The following KIF1B variants were observed in gnomAD, a reference collection of about 807,000 sequenced individuals.
KIF1B encodes the protein kinesin-like protein KIF1B.
KIF1B carries 76 observed loss-of-function variants against 241.9 expected under a neutral mutation model. That is an observed-to-expected ratio of 0.31 (90% CI 0.26 to 0.38). KIF1B has a LOEUF of 0.38. Ranked by LOEUF, KIF1B falls within the 10% of genes least tolerant of loss-of-function variation. The pLI, the probability that KIF1B is intolerant of heterozygous loss-of-function variation, is 1.00. For synonymous variants in KIF1B, 750 were observed against 796.7 expected (o/e 0.94, Z 0.99); for missense variants, 1,622 against 2,271.4 (o/e 0.71, Z 5.81).
intron 9 of KIF1B, 120 bp from the exon 10 acceptor site, chr1:10,272,894 C>T: frequency 2.6e-6 from 2 of 778,262 alleles, no homozygotes; most frequent in South Asian, 3.8e-5. Context: ...GAATGAAATG[C>T]TTTCTTGCTT....
chr1:10,231,258 G>C (rs771279129), intron 1 of KIF1B, among the ~76,000 whole-genome samples: 1 of 149,514 alleles, frequency 6.7e-6, no homozygotes, highest in Non-Finnish European at 1.5e-5. Context: ...GGAAATCACT[G>C]TATAGTTAAA....
At position 10,306,634 on chromosome 1, in the gene KIF1B, C is replaced by T. The variant is rs4623; in HGVS notation, c.2115+9388C>T. The T allele has an allele frequency of 6.3e-3, 3,503 of 555,936 alleles. 90 individuals are homozygous for T. Among genetic ancestry groups the T allele is most frequent in the African/African-American group, 0.059 (2,938 of 50,126 alleles). 34.4% of individuals were successfully genotyped at this position (555,936 alleles called of 1,614,324 possible). On this transcript the variant is annotated intron_variant, in intron 22 of 48. Transcript: ENST00000676179. ...AGGAAACCACAAACTTGCATCAGGA[C>T]GGGTGAACCCAGCCCAGGTTGGAAA...
intron 22 of KIF1B, among the ~76,000 whole-genome samples, chr1:10,315,680 AT>A (rs947981887): frequency 4.6e-5 from 7 of 151,472 alleles, no homozygotes; most frequent in Non-Finnish European, 8.8e-5. Context: ...TTATACTGGT[AT>A]TTTTGAATTG....
At chr1:10,294,981 G>A in intron 17 of KIF1B, 105 bp from the exon 18 acceptor site, 1 of 799,762 alleles carries the variant, frequency 1.3e-6, no homozygotes, top group Non-Finnish European at 2.3e-6. Flanking sequence ...CCCTCTCTAG[G>A]CTCTGTGGAG....
chr1:10,358,321 T>C (rs1309360398), intron 38 of KIF1B, among the ~76,000 whole-genome samples: 1 of 152,090 alleles, frequency 6.6e-6, no homozygotes, highest in Non-Finnish European at 1.5e-5. Context: ...TTTGCCTCAG[T>C]TGAAAGAGTC....
chr1:10,304,168 G>T, intron 22 of KIF1B: 2 of 1,614,128 alleles, frequency 1.2e-6, no homozygotes, highest in Non-Finnish European at 1.7e-6. Flanking sequence ...AAAAGACGAT[G>T]AAGCAAGGAA....
Position 10,297,256 on chromosome 1 carries a change from C to G in KIF1B, c.2115+10C>G, listed in dbSNP as rs763492737. The stretch of plus-strand genomic sequence containing the variant: ...GGAGCAGCAGAGACTGGTAGGAGTC[C>G]TGAATCTGCTAAACTGTTGGGAAAA... On this transcript the variant is annotated intron_variant, in intron 22 of 48. Transcript: ENST00000676179. 3 of 1,610,042 alleles carry G rather than the reference C, an allele frequency of 1.9e-6. No homozygotes were observed. The highest frequency in any genetic ancestry group is 2.5e-6 in the Non-Finnish European group (3 of 1,177,756).
chr1:10,308,163 G>A, intron 22 of KIF1B: 1 of 1,061,832 alleles, frequency 9.4e-7, no homozygotes, highest in East Asian at 5.1e-5. Context: ...TTGCCTTAAT[G>A]ATTTGTACAA....
chr1:10,308,040 C>T (rs1468389839), intron 22 of KIF1B: 2 of 1,056,932 alleles, frequency 1.9e-6, no homozygotes, highest in Non-Finnish European at 1.1e-6. Flanking sequence ...AAAAACAAAA[C>T]ACTGAATTTT....
At chr1:10,325,310 C>A (rs1651687230) in intron 26 of KIF1B, among the ~76,000 whole-genome samples, 1 of 152,108 alleles carries the variant, frequency 6.6e-6, no homozygotes, top group Non-Finnish European at 1.5e-5. Flanking sequence ...TTAGTCATTG[C>A]AAGGGTAAAT....
chr1:10,306,653 T>C (rs1038996622), intron 22 of KIF1B: 7 of 666,412 alleles, frequency 1.1e-5, no homozygotes, highest in South Asian at 7.1e-5. Context: ...CCAGCCCAGG[T>C]TGGAAATGGA....
intron 44 of KIF1B, among the ~76,000 whole-genome samples, chr1:10,370,653 A>G (rs570335175): frequency 6.6e-6 from 1 of 150,540 alleles, no homozygotes; most frequent in African/African-American, 2.4e-5. Context: ...AAATAATAAT[A>G]ATAATAATAA....
At chr1:10,279,229 C>T (rs774128423) in intron 14 of KIF1B, 91 bp downstream of exon 14, 47 of 786,878 alleles carry the variant, frequency 6.0e-5, no homozygotes, top group Non-Finnish European at 9.8e-5. Flanking sequence ...TGCATGCTGG[C>T]AATCCTTACA....
intron 2 of KIF1B, among the ~76,000 whole-genome samples, chr1:10,255,965 GTT>G (rs397975147): frequency 5.2e-5 from 6 of 116,190 alleles, no homozygotes; most frequent in Non-Finnish European, 8.0e-5. Context: ...AGTTGTTGTT[GTT>G]TTTTTTTTTT....
At position 10,378,402 on chromosome 1, in the gene KIF1B, A is replaced by G. The variant is rs1191112011; in HGVS notation, c.*1815A>G. The G allele has an allele frequency of 5.6e-6, 4 of 717,938 alleles. No homozygotes were observed. In the South Asian group the frequency reaches 5.9e-5, roughly 11 times the overall value. The allele number at this position is 717,938 out of a possible 1,614,324, so 44.5% of individuals were successfully genotyped here. A position where few individuals can be genotyped will look rare whatever the true frequency, so the allele number is the denominator to read the frequency against. Reference sequence around the variant, plus strand: ...AGTCTGTCTCTTTCAGCTGCCAGTAAGTTTTCCAGGATGAGAGGGGAAAAA... The same window carrying G: ...AGTCTGTCTCTTTCAGCTGCCAGTAGGTTTTCCAGGATGAGAGGGGAAAAA... On this transcript the variant is annotated 3_prime_UTR_variant, in exon 49 of 49. Transcript: ENST00000676179.
At chr1:10,265,330 G>T (rs1455126095) in intron 5 of KIF1B, among the ~76,000 whole-genome samples, 2 of 151,874 alleles carry the variant, frequency 1.3e-5, no homozygotes, top group African/African-American at 2.4e-5. Flanking sequence ...AACCTCCTGG[G>T]CTTGAGTGAT....
Position 10,345,776 on chromosome 1 carries a change from T to G in KIF1B, c.3689-69T>G, listed in dbSNP as rs568582466. 1.5e-4 allele frequency: 165 copies of G among 1,123,798 alleles called. 3 individuals are homozygous for G. The South Asian group carries it at 1.8e-3, about 12-fold the overall frequency. 69.6% of individuals were successfully genotyped at this position (1,123,798 alleles called of 1,614,324 possible). On this transcript the variant is annotated intron_variant, in intron 34 of 48. Transcript: ENST00000676179. ...CAAGTATGTCTTTAAAGACTGACAT[T>G]AGAGAAGCTTGTATTTTTGCTGAGT...
chr1:10,268,973 T>TA (rs1648630914), intron 7 of KIF1B, among the ~76,000 whole-genome samples: 1 of 152,258 alleles, frequency 6.6e-6, no homozygotes, highest in East Asian at 1.9e-4. Context: ...TGGCACAGAG[T>TA]AGCCACTCAA....
chr1:10,329,588 C>T (rs984914944), intron 27 of KIF1B, among the ~76,000 whole-genome samples: 4 of 152,098 alleles, frequency 2.6e-5, no homozygotes, highest in Non-Finnish European at 4.4e-5. Flanking sequence ...CAAATATTAG[C>T]CAGGCATGGT....
Sources: gnomAD v4.1 joint callset for allele counts (sites outside exome capture counted in the v4.1 genomes callset) on GRCh38, gnomAD v4.1.1 for gene constraint, MANE v1.5 for transcripts, NCBI Gene and HGNC (gene_info 2026-07-23, HGNC 2026-07-21) for gene names.